The following CEP83 variants were observed in gnomAD, a reference collection of about 807,000 sequenced individuals.
The protein encoded by CEP83 is centrosomal protein 83, also known as centrosomal protein of 83 kDa.
Under a neutral mutation model 101.9 loss-of-function variants are expected in CEP83, and 70 were observed. The ratio of observed to expected loss-of-function variants is 0.69; its 90% CI spans 0.57 to 0.84. The LOEUF (loss-of-function observed/expected upper bound fraction) is 0.84. CEP83 is among the 40% of genes least tolerant of loss of function. CEP83 has a pLI of 0.00. For missense variants in CEP83, 715 were observed against 787.2 expected, an observed-to-expected ratio of 0.91 and a Z score of 1.10; for synonymous variants, 264 against 267.9, an observed-to-expected ratio of 0.99 and a Z score of 0.14.
intron 1 of CEP83, among the ~76,000 whole-genome samples, chr12:94,457,407 C>G (rs1222272635): frequency 6.6e-6 from 1 of 152,118 alleles, no homozygotes; most frequent in Admixed American, 6.5e-5. Context: ...GAGACAGTAC[C>G]TGGGGGTGGG....
chr12:94,302,038 C>A (rs115238652), downstream of CEP83, among the ~76,000 whole-genome samples: 44 of 152,302 alleles, frequency 2.9e-4, 1 homozygote, highest in African/African-American at 1.0e-3. Context: ...CCCCTGCTGT[C>A]CACCTTTCCT....
At chr12:94,317,835 A>C (rs1970963030) in intron 14 of CEP83, among the ~76,000 whole-genome samples, 1 of 152,080 alleles carries the variant, frequency 6.6e-6, no homozygotes, top group Non-Finnish European at 1.5e-5. Flanking sequence ...GTATAGTTTT[A>C]AGTCAGGTAG....
the CEP83 span, among the ~76,000 whole-genome samples, chr12:94,283,981 G>A: frequency 6.6e-6 from 1 of 152,086 alleles, no homozygotes; most frequent in East Asian, 1.9e-4. Flanking sequence ...TACTTGGGAG[G>A]CTGAGGCAGG....
At chr12:94,334,588 G>C (rs2059376169) in intron 12 of CEP83, among the ~76,000 whole-genome samples, 1 of 152,038 alleles carries the variant, frequency 6.6e-6, no homozygotes, top group Admixed American at 6.6e-5. Flanking sequence ...AACCTATTAT[G>C]AGATTCAAGG....
the CEP83 span, among the ~76,000 whole-genome samples, chr12:94,298,073 G>T: frequency 6.6e-6 from 1 of 152,154 alleles, no homozygotes; most frequent in African/African-American, 2.4e-5. Flanking sequence ...TTATAACAAA[G>T]AATCTGCTTA....
chr12:94,333,495 G>C lies in CEP83; in HGVS notation c.1564C>G (p.Leu522Val), dbSNP rs1334766234. Residue 522 changes from leucine (L) to valine (V), a missense_variant, in exon 13 of 17, where the codon CTA (leucine) becomes GTA (valine). Leu to Val is a conservative substitution (Grantham distance 32, BLOSUM62 1). Coordinates refer to ENST00000397809, the MANE Select transcript of CEP83 (RefSeq NM_016122.3). ...NFRSQAEKAQ[L>V]EAEKTLEEKQ... ...AGCAAACTCTACTTTTCAGCTTCTA[G>C]TTGCGCTTTTTCAGCTTGGCTTCTA... 9 of 1,613,178 alleles carry C rather than the reference G, an allele frequency of 5.6e-6. No individual in the cohort carries two copies. The highest frequency in any genetic ancestry group is 4.2e-6 in the Non-Finnish European group (5 of 1,179,658).
rs530364675 is a variant in CEP83, at chr12:94,438,635, T to C, written c.-154-3308A>G. Among the ~76,000 whole-genome samples, 3 of 152,292 alleles carry C rather than the reference T, an allele frequency of 2.0e-5. No individual in the cohort carries two copies. The East Asian group carries it at 5.8e-4, about 29-fold the overall frequency. Reference sequence around the variant, plus strand: ...TCCACTAACAGCACTAGACAAGTCATTAAGACAGAAAGTCAACAAGGAAAC... The same window carrying C: ...TCCACTAACAGCACTAGACAAGTCACTAAGACAGAAAGTCAACAAGGAAAC... On this transcript the variant is annotated intron_variant, in intron 1 of 16. Coordinates refer to ENST00000397809, the MANE Select transcript of CEP83 (RefSeq NM_016122.3).
At chr12:94,441,870 G>A (rs955169650) in intron 1 of CEP83, among the ~76,000 whole-genome samples, 2 of 133,806 alleles carry the variant, frequency 1.5e-5, no homozygotes, top group African/African-American at 5.7e-5. Flanking sequence ...AGCCGAGATC[G>A]CACCACTGCA....
chr12:94,336,952 T>C (rs1355795705), intron 11 of CEP83, among the ~76,000 whole-genome samples: 1 of 152,060 alleles, frequency 6.6e-6, no homozygotes, highest in African/African-American at 2.4e-5. Context: ...ACTTGGGGCT[T>C]TTAGGTTACT....
chr12:94,334,002 C>G (rs1015874340), intron 12 of CEP83, among the ~76,000 whole-genome samples: 3 of 151,716 alleles, frequency 2.0e-5, no homozygotes, highest in Non-Finnish European at 4.4e-5. Flanking sequence ...TTCTCCTCAC[C>G]TCCTAGGAAA....
At chr12:94,275,898 C>A in the CEP83 span, among the ~76,000 whole-genome samples, 1 of 147,752 alleles carries the variant, frequency 6.8e-6, no homozygotes, top group African/African-American at 2.5e-5. Flanking sequence ...GCTGTTTGAG[C>A]ACTAAGTGTT....
chr12:94,324,408 T>A (rs1025965866), intron 14 of CEP83, among the ~76,000 whole-genome samples: 3 of 152,232 alleles, frequency 2.0e-5, no homozygotes, highest in Non-Finnish European at 4.4e-5. Flanking sequence ...TTAATTAGCA[T>A]AATAGTTTTT....
At chr12:94,298,682 A>G in the CEP83 span, 1 of 1,610,942 alleles carries the variant, frequency 6.2e-7, no homozygotes, top group South Asian at 1.1e-5. Flanking sequence ...TTTGGAGTTT[A>G]CCCAACAGCA....
intron 1 of CEP83, among the ~76,000 whole-genome samples, chr12:94,436,749 T>C (rs1218567041): frequency 1.3e-5 from 2 of 148,572 alleles, no homozygotes; most frequent in East Asian, 4.0e-4. Flanking sequence ...GAGAATCACT[T>C]GAACCCGGAG....
intron 1 of CEP83, among the ~76,000 whole-genome samples, chr12:94,443,596 G>A (rs1186492172): frequency 6.6e-6 from 1 of 152,066 alleles, no homozygotes; most frequent in Non-Finnish European, 1.5e-5. Context: ...GGGTTCAAGT[G>A]ATTCTCCTGC....
chr12:94,331,722 CGCT>C lies in CEP83; in HGVS notation c.1682_1684del (p.Gln561del). The C allele has an allele frequency of 1.2e-6, 2 of 1,613,744 alleles. No homozygotes were observed. Among genetic ancestry groups the C allele is most frequent in the Middle Eastern group, 3.3e-4 (2 of 6,062 alleles). On this transcript the variant is annotated inframe_deletion, in exon 14 of 17. Coordinates refer to ENST00000397809, the MANE Select transcript of CEP83 (RefSeq NM_016122.3). Reference sequence around the variant, plus strand: ...TGCCTTTTTCTGGGCAATTGCAGCTCGCTGCAGTTTCTCCTTAGCTTGATTGTA... The same window carrying C: ...TGCCTTTTTCTGGGCAATTGCAGCTCGCAGTTTCTCCTTAGCTTGATTGTA...
the CEP83 span, among the ~76,000 whole-genome samples, chr12:94,276,071 T>G: frequency 6.6e-6 from 1 of 152,208 alleles, no homozygotes; most frequent in Non-Finnish European, 1.5e-5. Flanking sequence ...GTTTTTTCTT[T>G]TGGTTATGTT....
intron 1 of CEP83, among the ~76,000 whole-genome samples, chr12:94,457,999 C>G (rs1266474393): frequency 6.6e-6 from 1 of 151,986 alleles, no homozygotes; most frequent in Non-Finnish European, 1.5e-5. Flanking sequence ...GAGTTCGTGA[C>G]CAGCCTGGGC....
intron 2 of CEP83, chr12:94,434,095 A>T (rs2065832012): frequency 6.6e-6 from 1 of 152,202 alleles, no homozygotes; most frequent in African/African-American, 2.4e-5. Flanking sequence ...TTGTTCCTTA[A>T]ATGTCCACCT....
Sources: gnomAD v4.1 joint callset for allele counts (sites outside exome capture counted in the v4.1 genomes callset) on GRCh38, gnomAD v4.1.1 for gene constraint, MANE v1.5 for transcripts, NCBI Gene and HGNC (gene_info 2026-07-23, HGNC 2026-07-21) for gene names.